Variants in CLINT1 observed in about 807,000 individuals in gnomAD.
CLINT1 encodes the protein clathrin interactor 1.
In CLINT1, 15 loss-of-function variants were observed where a neutral mutation model predicts 70.4. The observed-to-expected ratio is 0.21, with a 90% CI of 0.14 to 0.33. CLINT1 has a LOEUF of 0.33. CLINT1 is among the 10% of genes least tolerant of loss of function. CLINT1 has a pLI of 1.00. For synonymous variants in CLINT1, 227 were observed against 254.7 expected (o/e 0.89, Z 1.04); for missense variants, 615 against 778.1 (o/e 0.79, Z 2.49).
chr5:157,818,787 T>A (rs905235595), intron 1 of CLINT1, among the ~76,000 whole-genome samples: 1 of 152,236 alleles, frequency 6.6e-6, no homozygotes, highest in Non-Finnish European at 1.5e-5. Flanking sequence ...TTGGTTAAAA[T>A]GGAATTTCTC....
At chr5:157,855,756 G>A (rs1407091255) in intron 1 of CLINT1, among the ~76,000 whole-genome samples, 5 of 152,082 alleles carry the variant, frequency 3.3e-5, no homozygotes, top group Non-Finnish European at 5.9e-5. Flanking sequence ...CCAACATGGC[G>A]AAACCCCGTG....
intron 8 of CLINT1, chr5:157,795,326 C>A (rs978360664): frequency 5.1e-5 from 9 of 177,504 alleles, no homozygotes; most frequent in Non-Finnish European, 1.2e-5. Flanking sequence ...GAGTAAAATG[C>A]TGCTGGGGAA....
chr5:157,806,575 AATGTGTGTAC>A (rs374578740), intron 6 of CLINT1, among the ~76,000 whole-genome samples: 126 of 152,290 alleles, frequency 8.3e-4, no homozygotes, highest in African/African-American at 3.0e-3. Flanking sequence ...CTCAAAGACT[AATGTGTGTAC>A]ATAATAAAAT....
intron 8 of CLINT1, among the ~76,000 whole-genome samples, chr5:157,796,642 G>T (rs889407927): frequency 2.6e-5 from 4 of 152,138 alleles, no homozygotes; most frequent in Non-Finnish European, 5.9e-5. Context: ...CCAACATCTG[G>T]TGCCATTTCT....
intron 8 of CLINT1, among the ~76,000 whole-genome samples, chr5:157,801,330 A>T (rs7728479): frequency 0.13 from 20,293 of 151,630 alleles, 1,780 homozygotes; most frequent in African/African-American, 0.25. Context: ...AACATGGAGA[A>T]ACCCTGTCTC....
intron 8 of CLINT1, 131 bp downstream of exon 8, chr5:157,803,519 C>T (rs1762291328): frequency 3.6e-6 from 2 of 553,652 alleles, no homozygotes; most frequent in East Asian, 3.2e-5. Flanking sequence ...AAATAATGCT[C>T]AAGACTCACT....
chr5:157,818,603 C>A (rs755834567), intron 1 of CLINT1, among the ~76,000 whole-genome samples: 24 of 151,582 alleles, frequency 1.6e-4, no homozygotes, highest in Non-Finnish European at 3.2e-4. Context: ...GAGCCATGAC[C>A]GCCCAACTGT....
rs376089257 is a variant in CLINT1 at position 157,787,766 on chromosome 5, G to A, written c.1758C>T (p.Ser586=). ...MMGMNMNIGM[S]AAGMGLTGTM... The stretch of plus-strand genomic sequence containing the variant: ...TGCCTGTCAAGCCCATCCCAGCAGC[G>A]GACATCCCTATGTTCATGTTCATGC... The change falls in exon 12 of 12, where the codon TCC becomes TCT. Residue 586 remains serine, a synonymous_variant. Transcript: ENST00000411809. 4.8e-5 allele frequency: 78 copies of A among 1,613,956 alleles called. 1 individual carries two copies. The South Asian group carries it at 5.8e-4, about 12-fold the overall frequency.
rs745626020 is a variant in CLINT1 at position 157,812,928 on chromosome 5, C to T, written c.517+135G>A. The T allele has an allele frequency of 3.5e-5, 27 of 763,018 alleles. No homozygotes were observed. The Middle Eastern group carries it at 1.0e-3, about 29-fold the overall frequency. The allele number at this position is 763,018 out of a possible 1,614,324, so 47.3% of individuals were successfully genotyped here. Reference sequence around the variant, plus strand: ...GTGATAGTAGAAGTCAAGATTAGTACTGCGTGTATTTTAGTATTCTATGTA... The same window carrying T: ...GTGATAGTAGAAGTCAAGATTAGTATTGCGTGTATTTTAGTATTCTATGTA... On this transcript the variant is annotated intron_variant, in intron 5 of 11. Coordinates refer to ENST00000411809, the MANE Select transcript of CLINT1 (RefSeq NM_014666.4).
At chr5:157,797,368 G>A (rs1486796425) in intron 8 of CLINT1, among the ~76,000 whole-genome samples, 4 of 152,052 alleles carry the variant, frequency 2.6e-5, no homozygotes, top group Non-Finnish European at 4.4e-5. Context: ...AACAAGTTAG[G>A]AGTTAGGGAT....
chr5:157,822,730 A>G (rs1156472933), intron 1 of CLINT1, among the ~76,000 whole-genome samples: 1 of 152,256 alleles, frequency 6.6e-6, no homozygotes, highest in Non-Finnish European at 1.5e-5. Flanking sequence ...TTTTAGAGGT[A>G]GAATTGATTA....
In CLINT1 at chr5:157,809,620, TA is replaced by T; in HGVS notation, c.695+7del. On this transcript the variant is annotated splice_region_variant and intron_variant, in intron 6 of 11. Coordinates refer to ENST00000411809, the MANE Select transcript of CLINT1 (RefSeq NM_014666.4). The stretch of plus-strand genomic sequence containing the variant: ...CTAAGAGACCCGGGAGACAAAGTGG[TA>T]AAATACCTGCATCTTTCTGGAGAGT... 6.3e-7 allele frequency: 1 copy of T among 1,589,862 alleles called. No homozygotes were observed. The highest frequency in any genetic ancestry group is 8.5e-7 in the Non-Finnish European group (1 of 1,170,968).
chr5:157,855,160 G>C (rs536320101), intron 1 of CLINT1, among the ~76,000 whole-genome samples: 1 of 82,986 alleles, frequency 1.2e-5, no homozygotes, highest in South Asian at 6.0e-4. Flanking sequence ...AAAAAGGCGG[G>C]GGGGGGGGCG....
intron 1 of CLINT1, among the ~76,000 whole-genome samples, chr5:157,818,249 T>A (rs988656428): frequency 1.3e-5 from 2 of 152,114 alleles, no homozygotes; most frequent in African/African-American, 2.4e-5. Flanking sequence ...CTGATTCCAA[T>A]CACTTACTAT....
At chr5:157,857,185 T>G in intron 1 of CLINT1, among the ~76,000 whole-genome samples, 1 of 141,746 alleles carries the variant, frequency 7.1e-6, no homozygotes, top group Non-Finnish European at 1.5e-5. Flanking sequence ...AGTTGGAGGG[T>G]GCAGTGAGTT....
chr5:157,841,910 G>A (rs573247052), intron 1 of CLINT1, among the ~76,000 whole-genome samples: 6 of 152,116 alleles, frequency 3.9e-5, no homozygotes, highest in Non-Finnish European at 7.3e-5. Context: ...GGATTACAGC[G>A]ATGAGCCAGC....
At chr5:157,842,548 A>G (rs955498903) in intron 1 of CLINT1, among the ~76,000 whole-genome samples, 3 of 152,254 alleles carry the variant, frequency 2.0e-5, no homozygotes, top group Non-Finnish European at 4.4e-5. Flanking sequence ...CAGACTATTT[A>G]TGACTCTAAA....
At chr5:157,798,177 A>G (rs1762117898) in intron 8 of CLINT1, among the ~76,000 whole-genome samples, 1 of 152,228 alleles carries the variant, frequency 6.6e-6, no homozygotes, top group Non-Finnish European at 1.5e-5. Flanking sequence ...TATTCATACC[A>G]AATTCCACAT....
chr5:157,854,739 T>C (rs1477533741), intron 1 of CLINT1, among the ~76,000 whole-genome samples: 1 of 152,060 alleles, frequency 6.6e-6, no homozygotes, highest in Admixed American at 6.6e-5. Flanking sequence ...TCAATAAAAA[T>C]CAACTTATGA....
Sources: allele counts gnomAD v4.1 joint callset (sites outside exome capture counted in the v4.1 genomes callset), GRCh38; gene constraint gnomAD v4.1.1; transcripts MANE v1.5; gene names NCBI Gene and HGNC (gene_info 2026-07-23, HGNC 2026-07-21).